The following ZNF385D variants were observed in gnomAD, a reference collection of about 807,000 sequenced individuals.
The protein encoded by ZNF385D is zinc finger protein 659.
Under a neutral mutation model 35.8 loss-of-function variants are expected in ZNF385D, and 15 were observed. That is an observed-to-expected ratio of 0.42 (90% CI 0.28 to 0.64). ZNF385D has a LOEUF of 0.64. Ranked by LOEUF, ZNF385D falls within the 30% of genes least tolerant of loss-of-function variation. ZNF385D has a pLI of 0.23. For synonymous variants in ZNF385D, 212 were observed against 186.8 expected, an observed-to-expected ratio of 1.13 and a Z score of -1.10; for missense variants, 474 against 494.6, an observed-to-expected ratio of 0.96 and a Z score of 0.39.
At chr3:21,948,867 G>A (rs1000098280) in intron 3 of ZNF385D, among the ~76,000 whole-genome samples, 2 of 152,032 alleles carry the variant, frequency 1.3e-5, no homozygotes. Context: ...AAAATCTTGT[G>A]TAAGATTTTA....
chr3:21,665,475 T>G (rs2066376918), intron 1 of ZNF385D, among the ~76,000 whole-genome samples: 1 of 152,172 alleles, frequency 6.6e-6, no homozygotes, highest in African/African-American at 2.4e-5. Flanking sequence ...TCCAAAACTC[T>G]GGCAGCAAGA....
At chr3:21,421,670 T>C (rs1336264100) in intron 7 of ZNF385D, among the ~76,000 whole-genome samples, 3 of 152,208 alleles carry the variant, frequency 2.0e-5, no homozygotes, top group Admixed American at 2.0e-4. Flanking sequence ...CTTGAAAAGT[T>C]CTCTAGAAAA....
intron 1 of ZNF385D, among the ~76,000 whole-genome samples, chr3:21,748,577 CA>C (rs2069897541): frequency 6.6e-6 from 1 of 152,194 alleles, no homozygotes; most frequent in African/African-American, 2.4e-5. Context: ...ATCTCTACCC[CA>C]TTCTCACAAG....
At chr3:21,797,958 G>C (rs974371814) in intron 3 of ZNF385D, among the ~76,000 whole-genome samples, 2 of 152,156 alleles carry the variant, frequency 1.3e-5, no homozygotes, top group South Asian at 2.1e-4. Flanking sequence ...CTAAATATTA[G>C]AAGTGTATTC....
At chr3:21,556,598 C>G (rs1208640410) in intron 3 of ZNF385D, among the ~76,000 whole-genome samples, 2 of 152,066 alleles carry the variant, frequency 1.3e-5, no homozygotes, top group African/African-American at 2.4e-5. Context: ...GTTTTGGTAC[C>G]AATACCATGC....
chr3:21,457,346 C>CGTTGTTGTT lies in ZNF385D; in HGVS notation c.440-20152_440-20144dup, dbSNP rs34762256. Among the ~76,000 whole-genome samples the CGTTGTTGTT allele has an allele frequency of 2.0e-3, 301 of 150,732 alleles. 2 individuals are homozygous for CGTTGTTGTT. Among genetic ancestry groups the CGTTGTTGTT allele is most frequent in the Non-Finnish European group, 2.9e-3 (198 of 67,656 alleles). The stretch of plus-strand genomic sequence containing the variant: ...AAGGAGAGTGGTTATTTGTTGTTGT[C>CGTTGTTGTT]GTTGTTGTTGTTGTTGTTGTTGTTG... On this transcript the variant is annotated intron_variant, in intron 4 of 7. Coordinates refer to ENST00000281523, the MANE Select transcript of ZNF385D (RefSeq NM_024697.3).
chr3:21,488,017 C>T (rs1301387661), intron 4 of ZNF385D, among the ~76,000 whole-genome samples: 1 of 152,022 alleles, frequency 6.6e-6, no homozygotes, highest in African/African-American at 2.4e-5. Context: ...TTCCACAATG[C>T]TATATTGGAA....
At chr3:21,510,779 G>A in intron 4 of ZNF385D, 82 bp downstream of exon 4, 3 of 1,555,066 alleles carry the variant, frequency 1.9e-6, no homozygotes, top group Non-Finnish European at 2.6e-6. Flanking sequence ...AGGCACATAA[G>A]TAAACAGACA....
At chr3:22,342,686 T>TA (rs1695479853) in intron 2 of ZNF385D, among the ~76,000 whole-genome samples, 1 of 152,214 alleles carries the variant, frequency 6.6e-6, no homozygotes, top group African/African-American at 2.4e-5. Context: ...TACTGATTGT[T>TA]ACGTACTCTC....
intron 2 of ZNF385D, among the ~76,000 whole-genome samples, chr3:22,223,698 A>T (rs539565273): frequency 1.3e-5 from 2 of 152,310 alleles, no homozygotes; most frequent in Admixed American, 6.5e-5. Flanking sequence ...GATGCACAAG[A>T]CAAAGAAACA....
intron 3 of ZNF385D, among the ~76,000 whole-genome samples, chr3:21,989,161 G>T (rs1309743079): frequency 6.6e-6 from 1 of 152,124 alleles, no homozygotes; most frequent in East Asian, 1.9e-4. Context: ...TTCCTATTCG[G>T]CCATCTTGGC....
intron 3 of ZNF385D, among the ~76,000 whole-genome samples, chr3:21,871,701 G>A (rs1479129324): frequency 6.6e-6 from 1 of 152,012 alleles, no homozygotes; most frequent in South Asian, 2.1e-4. Context: ...CTGAACTTAG[G>A]AACAGTTTTA....
chr3:21,694,722 C>G (rs183615158), intron 1 of ZNF385D, among the ~76,000 whole-genome samples: 1 of 152,178 alleles, frequency 6.6e-6, no homozygotes, highest in African/African-American at 2.4e-5. Flanking sequence ...AGTGATTAAG[C>G]ATAACTTAGA....
intron 2 of ZNF385D, among the ~76,000 whole-genome samples, chr3:22,360,547 C>T (rs1181898039): frequency 6.6e-6 from 1 of 151,962 alleles, no homozygotes; most frequent in East Asian, 1.9e-4. Context: ...ATTTCTTAGA[C>T]TCGATTTATT....
At chr3:21,955,693 A>T (rs1223073620) in intron 3 of ZNF385D, among the ~76,000 whole-genome samples, 1 of 152,100 alleles carries the variant, frequency 6.6e-6, no homozygotes, top group Admixed American at 6.6e-5. Context: ...ATTAACCCAC[A>T]TGTTATAAAA....
intron 3 of ZNF385D, among the ~76,000 whole-genome samples, chr3:22,065,875 A>G (rs1037531229): frequency 6.6e-6 from 1 of 152,014 alleles, no homozygotes; most frequent in Non-Finnish European, 1.5e-5. Flanking sequence ...TCCAGAAGGG[A>G]AAAGAGATAA....
At chr3:21,663,629 A>G (rs894868554) in intron 2 of ZNF385D, among the ~76,000 whole-genome samples, 1 of 151,946 alleles carries the variant, frequency 6.6e-6, no homozygotes, top group Non-Finnish European at 1.5e-5. Flanking sequence ...TGAAACACCT[A>G]GGATTAGAAA....
rs549433832 is a variant in ZNF385D at position 21,982,391 on chromosome 3, G to T, written c.325+186426C>A. 5.2e-3 allele frequency among the ~76,000 whole-genome samples: 796 copies of T among 152,176 alleles called. 6 individuals are homozygous for T. The highest frequency in any genetic ancestry group is 0.018 in the African/African-American group (737 of 41,516). On this transcript the variant is annotated intron_variant, in intron 3 of 5. Transcript: ENST00000494108. ...TGATTTGGCTCTTGGTTTGGCTGTT[G>T]TTGGTGTCTAGGAATGCTAAGTGAG...
intron 2 of ZNF385D, among the ~76,000 whole-genome samples, chr3:21,583,027 A>G (rs561309292): frequency 1.3e-5 from 2 of 152,194 alleles, no homozygotes; most frequent in Admixed American, 6.5e-5. Context: ...CGGCCTCCCA[A>G]AGTGCTGGGA....
Sources: allele counts gnomAD v4.1 joint callset (sites outside exome capture counted in the v4.1 genomes callset), GRCh38; gene constraint gnomAD v4.1.1; transcripts MANE v1.5; gene names NCBI Gene and HGNC (gene_info 2026-07-23, HGNC 2026-07-21).